The following VPS35L variants were observed in gnomAD, a reference collection of about 807,000 sequenced individuals.
VPS35L encodes the protein VPS35 endosomal protein sorting factor like, also known as VPS35 endosomal protein-sorting factor-like.
A neutral mutation model predicts 133.0 loss-of-function variants in VPS35L; 83 were observed. The ratio of observed to expected loss-of-function variants is 0.62; its 90% CI spans 0.52 to 0.75. VPS35L has a LOEUF of 0.75. VPS35L is among the 30% of genes least tolerant of loss of function. VPS35L has a pLI of 0.00. For synonymous variants in VPS35L, 423 were observed against 449.9 expected (o/e 0.94, Z 0.76); for missense variants, 1,083 against 1,206.8 (o/e 0.90, Z 1.52).
At position 19,610,045 on chromosome 16, in the gene VPS35L, T is replaced by C. The variant is rs566934613; in HGVS notation, c.930-277T>C. On this transcript the variant is annotated intron_variant, in intron 11 of 30. Transcript: ENST00000417362. ...ACAAAAACTGTTAAAATTAATAAAATAAATGTGACCTCGACTGGGGAAAAA... is the reference window on the plus strand; with the variant it reads ...ACAAAAACTGTTAAAATTAATAAAACAAATGTGACCTCGACTGGGGAAAAA... Among the ~76,000 whole-genome samples the C allele has an allele frequency of 1.2e-4, 19 of 152,162 alleles. No individual in the cohort carries two copies. In the Middle Eastern group the frequency reaches 0.014, roughly 110 times the overall value.
chr16:19,559,903 G>T (rs150717401), intron 1 of VPS35L, among the ~76,000 whole-genome samples: 7,273 of 152,134 alleles, frequency 0.048, 218 homozygotes, highest in African/African-American at 0.081. Flanking sequence ...GGCCAGGCTG[G>T]TCTCGAACTC....
chr16:19,622,948 T>C (rs1423104625), intron 14 of VPS35L, among the ~76,000 whole-genome samples: 1 of 152,144 alleles, frequency 6.6e-6, no homozygotes, highest in Non-Finnish European at 1.5e-5. Context: ...GGTGATCAGC[T>C]TCAGTGCATC....
intron 8 of VPS35L, among the ~76,000 whole-genome samples, chr16:19,600,381 C>T (rs950765026): frequency 6.6e-6 from 1 of 152,104 alleles, no homozygotes; most frequent in Non-Finnish European, 1.5e-5. Context: ...TTTGAAAATA[C>T]ATGCACAGAA....
intron 26 of VPS35L, among the ~76,000 whole-genome samples, chr16:19,654,631 A>G (rs1250435621): frequency 6.6e-6 from 1 of 152,160 alleles, no homozygotes; most frequent in African/African-American, 2.4e-5. Context: ...CTAGTGATGC[A>G]CAGGATGAAA....
rs569546091 is a variant in VPS35L, at chr16:19,679,580, G to C, written c.2362-2645G>C. Among the ~76,000 whole-genome samples the C allele has an allele frequency of 4.2e-3, 638 of 151,388 alleles. 2 individuals are homozygous for C. The highest frequency in any genetic ancestry group is 7.8e-3 in the Non-Finnish European group (526 of 67,866). On this transcript the variant is annotated intron_variant, in intron 27 of 30. Coordinates refer to ENST00000417362, the MANE Select transcript of VPS35L (RefSeq NM_020314.7). ...CAGTGCAGTAGTGTGATCTCTGCTCGCTCATCCTCCACCTCCTGGGTTCAA... is the reference window on the plus strand; with the variant it reads ...CAGTGCAGTAGTGTGATCTCTGCTCCCTCATCCTCCACCTCCTGGGTTCAA...
intron 12 of VPS35L, among the ~76,000 whole-genome samples, chr16:19,613,029 G>A (rs977566466): frequency 7.9e-5 from 12 of 152,136 alleles, no homozygotes; most frequent in African/African-American, 2.2e-4. Flanking sequence ...GACCAAGCGC[G>A]GTGGCTCATG....
chr16:19,617,042 C>T (rs1597364820), intron 14 of VPS35L: 1 of 655,918 alleles, frequency 1.5e-6, no homozygotes, highest in East Asian at 2.7e-5. Context: ...AGGCCATGTA[C>T]CTAAGTGAGG....
chr16:19,681,520 G>A (rs1355206686), intron 27 of VPS35L, among the ~76,000 whole-genome samples: 5 of 152,216 alleles, frequency 3.3e-5, no homozygotes, highest in African/African-American at 1.2e-4. Flanking sequence ...TCTGCACAGA[G>A]TGAGAAGTCT....
At chr16:19,604,282 C>T (rs1972477995) in intron 9 of VPS35L, among the ~76,000 whole-genome samples, 1 of 152,152 alleles carries the variant, frequency 6.6e-6, no homozygotes, top group Non-Finnish European at 1.5e-5. Context: ...CTGCAATAAT[C>T]TTCCTTTCTC....
intron 21 of VPS35L, among the ~76,000 whole-genome samples, chr16:19,641,079 T>C (rs1344522067): frequency 6.6e-6 from 1 of 152,102 alleles, no homozygotes; most frequent in Non-Finnish European, 1.5e-5. Context: ...TTTTAATTTA[T>C]TTTGAGGCAG....
intron 26 of VPS35L, among the ~76,000 whole-genome samples, chr16:19,664,349 G>A (rs1203571673): frequency 1.3e-5 from 2 of 151,910 alleles, no homozygotes; most frequent in Admixed American, 6.6e-5. Context: ...GTCTGTGTTT[G>A]CTCTCTGCCC....
In VPS35L at chr16:19,616,746, C is replaced by T. The variant is rs1972906585; in HGVS notation, c.1162C>T (p.Leu388Phe). 1.9e-6 allele frequency: 3 copies of T among 1,614,040 alleles called. No individual in the cohort carries two copies. The highest frequency in any genetic ancestry group is 2.5e-6 in the Non-Finnish European group (3 of 1,180,028). ...VVQGVELPSY[L>F]PLYPPAMDWI... Reference sequence around the variant, plus strand: ...CCAAGGAGTGGAGCTCCCATCTTACCTCCCCTTGTACCCGCCTGCCATGGA... The same window carrying T: ...CCAAGGAGTGGAGCTCCCATCTTACTTCCCCTTGTACCCGCCTGCCATGGA... The change falls in exon 14 of 31, where the codon CTC becomes TTC. Residue 388 changes from leucine to phenylalanine, a missense_variant. Transcript: ENST00000417362.
chr16:19,578,286 CTT>C (rs557894286), intron 5 of VPS35L: 1,328 of 402,196 alleles, frequency 3.3e-3, no homozygotes, highest in Middle Eastern at 8.2e-3. Flanking sequence ...TTTCTTTTTT[CTT>C]TTTTTTTTTT....
intron 26 of VPS35L, among the ~76,000 whole-genome samples, chr16:19,657,873 G>A (rs1009518533): frequency 6.6e-6 from 1 of 152,230 alleles, no homozygotes; most frequent in African/African-American, 2.4e-5. Context: ...CCTTTGAAGA[G>A]TGTTTGATTT....
chr16:19,607,911 G>A (rs1432012467), intron 9 of VPS35L: 3 of 369,770 alleles, frequency 8.1e-6, no homozygotes, highest in Non-Finnish European at 1.5e-5. Context: ...TGTAAAATAA[G>A]ATAATAAAAC....
At chr16:19,672,675 G>A (rs566927929) in intron 27 of VPS35L, among the ~76,000 whole-genome samples, 1 of 152,226 alleles carries the variant, frequency 6.6e-6, no homozygotes, top group East Asian at 1.9e-4. Context: ...CCCAAGATGG[G>A]GCAGCGTGCA....
chr16:19,568,209 G>A (rs1971247651), intron 2 of VPS35L, among the ~76,000 whole-genome samples: 2 of 152,078 alleles, frequency 1.3e-5, no homozygotes, highest in African/African-American at 4.8e-5. Flanking sequence ...CGTAGGGTGA[G>A]GCCCAGGGGA....
chr16:19,563,726 G>A (rs188916658), intron 1 of VPS35L, among the ~76,000 whole-genome samples: 1 of 152,262 alleles, frequency 6.6e-6, no homozygotes, highest in Admixed American at 6.5e-5. Flanking sequence ...TCCTTTCTGC[G>A]TGGCTCCTTT....
intron 2 of VPS35L, 184 bp from the exon 3 acceptor site, chr16:19,569,240 A>G: frequency 1.3e-6 from 1 of 752,044 alleles, no homozygotes; most frequent in Non-Finnish European, 2.4e-6. Context: ...CCCTTCCTTG[A>G]CAGTTGTGAT....
Sources: allele counts gnomAD v4.1 joint callset (sites outside exome capture counted in the v4.1 genomes callset), GRCh38; gene constraint gnomAD v4.1.1; transcripts MANE v1.5; gene names NCBI Gene and HGNC (gene_info 2026-07-23, HGNC 2026-07-21).